Variants in DTNBP1 observed in about 807,000 individuals in gnomAD.
The protein encoded by DTNBP1 is dysbindin.
DTNBP1 carries 35 observed loss-of-function variants against 42.8 expected under a neutral mutation model. The ratio of observed to expected loss-of-function variants is 0.82; its 90% CI spans 0.63 to 1.09. The LOEUF (loss-of-function observed/expected upper bound fraction) is 1.09, where lower values mean the gene tolerates loss of function less well. Among genes scored for constraint, DTNBP1 ranks in the 50% least tolerant of loss-of-function variants. The probability of loss-of-function intolerance (pLI) is 0.00; values close to 1 mark genes in which losing one functional copy is unlikely to be tolerated. For synonymous variants in DTNBP1, 171 were observed against 162.2 expected, an observed-to-expected ratio of 1.05 and a Z score of -0.41; for missense variants, 457 against 424.2, an observed-to-expected ratio of 1.08 and a Z score of -0.68.
At chr6:15,662,690 G>A (rs2113842890) in intron 1 of DTNBP1, 124 bp downstream of exon 1, 1 of 1,332,228 alleles carries the variant, frequency 7.5e-7, no homozygotes, top group Non-Finnish European at 1.0e-6. Context: ...CGGCGGGGCG[G>A]GGCGGGGAGG....
At chr6:15,591,347 C>T (rs994501265) in intron 7 of DTNBP1, among the ~76,000 whole-genome samples, 3 of 152,002 alleles carry the variant, frequency 2.0e-5, no homozygotes, top group Non-Finnish European at 2.9e-5. Flanking sequence ...TGATCCCCCT[C>T]GGCCTCCCAA....
intron 3 of DTNBP1, among the ~76,000 whole-genome samples, chr6:15,641,484 C>G (rs890665555): frequency 6.6e-6 from 1 of 152,144 alleles, no homozygotes; most frequent in Non-Finnish European, 1.5e-5. Flanking sequence ...TCCCCTTACC[C>G]CTCCAACAAT....
chr6:15,627,581 A>T, intron 4 of DTNBP1, 106 bp from the exon 5 acceptor site: 1 of 1,480,166 alleles, frequency 6.8e-7, no homozygotes, highest in Non-Finnish European at 9.1e-7. Flanking sequence ...CCCTCTACTC[A>T]GTAGAGATTA....
At chr6:15,661,728 T>C (rs1562020982) in intron 1 of DTNBP1, among the ~76,000 whole-genome samples, 1 of 152,306 alleles carries the variant, frequency 6.6e-6, no homozygotes, top group East Asian at 1.9e-4. Context: ...CCAACAGGAT[T>C]TGTAAGCTAA....
intron 7 of DTNBP1, chr6:15,548,257 A>T (rs1297645313): frequency 6.6e-6 from 1 of 152,202 alleles, no homozygotes; most frequent in Non-Finnish European, 1.5e-5. Flanking sequence ...AAACTTCCCA[A>T]CCTTGATAAC....
chr6:15,604,368 G>A (rs1192402737), intron 6 of DTNBP1, among the ~76,000 whole-genome samples: 1 of 152,162 alleles, frequency 6.6e-6, no homozygotes, highest in African/African-American at 2.4e-5. Flanking sequence ...AACTGCAGAA[G>A]CTAGTTACTG....
At chr6:15,659,060 A>T (rs192729150) in intron 1 of DTNBP1, among the ~76,000 whole-genome samples, 80 of 152,256 alleles carry the variant, frequency 5.3e-4, no homozygotes, top group Non-Finnish European at 9.7e-4. Flanking sequence ...AACCACCAGT[A>T]ATCTCTACAC....
chr6:15,523,864 G>A (rs1254038300), intron 9 of DTNBP1: 1 of 1,287,224 alleles, frequency 7.8e-7, no homozygotes, highest in Non-Finnish European at 1.0e-6. Context: ...TTTAGAGGAA[G>A]CTGAAACCGT....
At chr6:15,571,857 C>T (rs1581340994) in intron 7 of DTNBP1, among the ~76,000 whole-genome samples, 1 of 152,158 alleles carries the variant, frequency 6.6e-6, no homozygotes, top group Non-Finnish European at 1.5e-5. Flanking sequence ...AGTTAGTGCT[C>T]ATCCTAACAC....
At chr6:15,586,889 T>C (rs1776100856) in intron 7 of DTNBP1, among the ~76,000 whole-genome samples, 1 of 152,208 alleles carries the variant, frequency 6.6e-6, no homozygotes, top group South Asian at 2.1e-4. Flanking sequence ...TTATCACATT[T>C]TCCTCTTTGC....
intron 6 of DTNBP1, among the ~76,000 whole-genome samples, chr6:15,607,715 T>C (rs1758158624): frequency 6.6e-6 from 1 of 152,254 alleles, no homozygotes; most frequent in Admixed American, 6.5e-5. Flanking sequence ...CATACTGTTT[T>C]ATCAATGGCA....
intron 1 of DTNBP1, among the ~76,000 whole-genome samples, chr6:15,660,975 T>C (rs1761575892): frequency 6.6e-6 from 1 of 152,154 alleles, no homozygotes. Context: ...AAGAAGGTAC[T>C]TTTACTAAAT....
chr6:15,594,105 C>CTTA (rs1339692638), intron 6 of DTNBP1, among the ~76,000 whole-genome samples: 1 of 152,188 alleles, frequency 6.6e-6, no homozygotes, highest in Non-Finnish European at 1.5e-5. Context: ...ACAATATCTA[C>CTTA]TTATAATAAT....
In DTNBP1 at chr6:15,615,367, T is replaced by C. The variant is rs1758655213; in HGVS notation, c.388A>G (p.Asn130Asp). The C allele has an allele frequency of 2.5e-6, 4 of 1,614,106 alleles. No homozygotes were observed. The highest frequency in any genetic ancestry group is 2.7e-5 in the African/African-American group (2 of 75,042). ...AAGTCTTCCAGATGCAGCAGGTTGTTCTCTACCTCCTCAAAACTCGCCTCT... is the reference window on the plus strand; with the variant it reads ...AAGTCTTCCAGATGCAGCAGGTTGTCCTCTACCTCCTCAAAACTCGCCTCT... Reference protein sequence around the residue: ...HLEASFEEVENNLLHLEDLCG... With the variant: ...HLEASFEEVEDNLLHLEDLCG... Residue 130 changes from asparagine to aspartate, a missense_variant, in exon 6 of 10, where the codon AAC (asparagine) becomes GAC (aspartate). Physicochemically the swap from Asn to Asp is conservative, Grantham distance 23. Coordinates refer to ENST00000344537, the MANE Select transcript of DTNBP1 (RefSeq NM_032122.5).
intron 7 of DTNBP1, among the ~76,000 whole-genome samples, chr6:15,546,465 A>G (rs1773888371): frequency 6.6e-6 from 1 of 152,152 alleles, no homozygotes; most frequent in African/African-American, 2.4e-5. Context: ...GTATAATTAT[A>G]TGAATATCAG....
intron 8 of DTNBP1, 141 bp from the exon 9 acceptor site, chr6:15,524,810 G>A (rs779971685): frequency 5.1e-5 from 66 of 1,291,758 alleles, no homozygotes; most frequent in Non-Finnish European, 6.9e-5. Flanking sequence ...ATTAGTAGAT[G>A]ACATATGCCA....
chr6:15,528,276 C>T (rs766318997), intron 8 of DTNBP1, among the ~76,000 whole-genome samples: 13 of 152,250 alleles, frequency 8.5e-5, no homozygotes, highest in Admixed American at 2.0e-4. Context: ...TCCAGCACTC[C>T]TGACACTTTG....
chr6:15,598,955 C>T (rs1413884709), intron 6 of DTNBP1, among the ~76,000 whole-genome samples: 1 of 151,656 alleles, frequency 6.6e-6, no homozygotes, highest in Non-Finnish European at 1.5e-5. Context: ...AAGAAAGTAA[C>T]AAGATGATAA....
intron 9 of DTNBP1, chr6:15,524,321 T>C: frequency 6.2e-7 from 1 of 1,611,470 alleles, no homozygotes; most frequent in Non-Finnish European, 8.5e-7. Context: ...ATGTCAAATC[T>C]TTGAGAAGAA....
Sources: allele counts gnomAD v4.1 joint callset (sites outside exome capture counted in the v4.1 genomes callset), GRCh38; gene constraint gnomAD v4.1.1; transcripts MANE v1.5; gene names NCBI Gene and HGNC (gene_info 2026-07-23, HGNC 2026-07-21).